Variants in CDKAL1 observed in about 807,000 individuals in gnomAD.
The protein encoded by CDKAL1 is threonylcarbamoyladenosine tRNA methylthiotransferase.
Under a neutral mutation model 68.2 loss-of-function variants are expected in CDKAL1, and 32 were observed. That is an observed-to-expected ratio of 0.47 (90% CI 0.35 to 0.63). The LOEUF (loss-of-function observed/expected upper bound fraction) is 0.63. Among genes scored for constraint, CDKAL1 ranks in the 30% least tolerant of loss-of-function variants. The probability of loss-of-function intolerance (pLI) is 0.00; values close to 1 mark genes in which losing one functional copy is unlikely to be tolerated. For synonymous variants in CDKAL1, 234 were observed against 244.3 expected (o/e 0.96, Z 0.39); for missense variants, 606 against 696.7 (o/e 0.87, Z 1.47).
intron 5 of CDKAL1, among the ~76,000 whole-genome samples, chr6:20,654,431 G>A (rs551298815): frequency 1.3e-5 from 2 of 151,610 alleles, no homozygotes; most frequent in South Asian, 2.1e-4. Flanking sequence ...TTCTTTTGTG[G>A]TATCTTTTGA....
chr6:20,889,719 T>A (rs564776456), intron 9 of CDKAL1, among the ~76,000 whole-genome samples: 1 of 152,186 alleles, frequency 6.6e-6, no homozygotes, highest in Non-Finnish European at 1.5e-5. Context: ...TTGGTCTATA[T>A]CTCTGTTTTG....
chr6:21,071,984 A>C (rs894896164), intron 12 of CDKAL1, among the ~76,000 whole-genome samples: 2 of 152,184 alleles, frequency 1.3e-5, no homozygotes, highest in Non-Finnish European at 2.9e-5. Flanking sequence ...TACCAATGTT[A>C]CATCACTGAA....
At chr6:20,835,628 A>C (rs1158882302) in intron 8 of CDKAL1, among the ~76,000 whole-genome samples, 1 of 150,476 alleles carries the variant, frequency 6.6e-6, no homozygotes, top group African/African-American at 2.4e-5. Context: ...GTTTGCTGCA[A>C]CCTCTGCCTC....
At chr6:20,637,281 G>A (rs1303184538) in intron 4 of CDKAL1, among the ~76,000 whole-genome samples, 1 of 151,950 alleles carries the variant, frequency 6.6e-6, no homozygotes, top group Non-Finnish European at 1.5e-5. Flanking sequence ...AAATGAGGAA[G>A]GCCGGGCACA....
intron 7 of CDKAL1, among the ~76,000 whole-genome samples, chr6:20,771,567 T>C (rs766326097): frequency 6.6e-5 from 10 of 152,178 alleles, no homozygotes; most frequent in Admixed American, 2.0e-4. Flanking sequence ...CATTTGTGAT[T>C]GAAAGTGAGT....
In CDKAL1 at chr6:20,723,882, A is replaced by G. The variant is rs544366846; in HGVS notation, c.372-15637A>G. Among the ~76,000 whole-genome samples the G allele has an allele frequency of 3.9e-5, 6 of 152,270 alleles. No individual in the cohort carries two copies. In the South Asian group the frequency reaches 1.0e-3, roughly 26 times the overall value. ...TATGTAAATTTGCTAAGGAGACACC[A>G]TTCCAGATTCTTATCTTTCCCAGGA... On this transcript the variant is annotated intron_variant, in intron 5 of 15. Transcript: ENST00000274695.
chr6:20,756,567 G>T (rs1774180540), intron 6 of CDKAL1: 1 of 152,160 alleles, frequency 6.6e-6, no homozygotes, highest in Non-Finnish European at 1.5e-5. Flanking sequence ...GGGCCTAATG[G>T]TTCCATTGTT....
In CDKAL1 at chr6:21,081,179, TC is replaced by T. The variant is rs1772378904; in HGVS notation, c.1236+15952del. Among the ~76,000 whole-genome samples, 6 of 152,370 alleles carry T rather than the reference TC, an allele frequency of 3.9e-5. No individual in the cohort carries two copies. In the South Asian group the frequency reaches 1.2e-3, roughly 32 times the overall value. On this transcript the variant is annotated intron_variant, in intron 12 of 15. Transcript: ENST00000274695. ...TTTTGGCATTCATTTTTATCCTGCT[TC>T]TTTTACGAATTTGTAATTACCAAAA...
At chr6:21,106,976 T>C (rs1467153100) in intron 12 of CDKAL1, among the ~76,000 whole-genome samples, 6 of 147,208 alleles carry the variant, frequency 4.1e-5, no homozygotes, top group Non-Finnish European at 7.4e-5. Flanking sequence ...GAGTCTCGCT[T>C]TTTCGCCCAG....
intron 13 of CDKAL1, among the ~76,000 whole-genome samples, chr6:21,122,810 T>G (rs1012153971): frequency 6.7e-6 from 1 of 149,156 alleles, no homozygotes; most frequent in Non-Finnish European, 1.5e-5. Flanking sequence ...TAGGTTTTTT[T>G]TTTTTTTTTT....
intron 9 of CDKAL1, among the ~76,000 whole-genome samples, chr6:20,948,815 T>TGAGGC (rs1731215548): frequency 6.6e-6 from 1 of 152,198 alleles, no homozygotes; most frequent in Non-Finnish European, 1.5e-5. Context: ...TCTGCTTCAT[T>TGAGGC]GAGGCTTATT....
chr6:20,612,990 T>TACACACAGAC (rs1766689520), intron 4 of CDKAL1, among the ~76,000 whole-genome samples: 1 of 129,992 alleles, frequency 7.7e-6, no homozygotes, highest in Non-Finnish European at 1.6e-5. Flanking sequence ...TTGCAATTTC[T>TACACACAGAC]ACACACACAC....
intron 15 of CDKAL1, among the ~76,000 whole-genome samples, chr6:21,225,498 C>T (rs888324081): frequency 2.6e-5 from 4 of 152,130 alleles, no homozygotes; most frequent in Admixed American, 6.5e-5. Context: ...ACTCCTGTGA[C>T]GTCACCGTCA....
intron 4 of CDKAL1, among the ~76,000 whole-genome samples, chr6:20,644,495 G>A (rs1399897298): frequency 3.9e-5 from 6 of 152,022 alleles, no homozygotes; most frequent in African/African-American, 1.4e-4. Flanking sequence ...GGCTAACATG[G>A]TGAAACCCTG....
chr6:20,789,755 G>C (rs569713396), intron 8 of CDKAL1, among the ~76,000 whole-genome samples: 1 of 152,318 alleles, frequency 6.6e-6, no homozygotes, highest in African/African-American at 2.4e-5. Context: ...TTAGTTTACA[G>C]TTAATTGGGT....
At chr6:20,614,411 A>G (rs998109216) in intron 4 of CDKAL1, among the ~76,000 whole-genome samples, 2 of 152,168 alleles carry the variant, frequency 1.3e-5, no homozygotes, top group African/African-American at 4.8e-5. Flanking sequence ...TGATGGTTCC[A>G]GCTCTCCTTC....
chr6:20,992,195 T>TA lies in CDKAL1; in HGVS notation c.910-8032_910-8031insA, dbSNP rs1561943348. Among the ~76,000 whole-genome samples, 642 of 139,560 alleles carry TA rather than the reference T, an allele frequency of 4.6e-3. 39 individuals are homozygous for TA. Among genetic ancestry groups the TA allele is most frequent in the African/African-American group, 0.017 (587 of 33,954 alleles). 91.6% of individuals were successfully genotyped at this position (139,560 alleles called of 152,430 possible). ...GGCACACGTGACCATAGTCAGCTTT[T>TA]TTATATATATATATATGTATTTTGT... is the stretch of plus-strand genomic sequence containing the variant. On this transcript the variant is annotated intron_variant, in intron 10 of 15. Coordinates refer to ENST00000274695, the MANE Select transcript of CDKAL1 (RefSeq NM_017774.3).
At position 20,925,206 on chromosome 6, in the gene CDKAL1, C is replaced by T. The variant is rs75375658; in HGVS notation, c.743-30213C>T. 7.3e-3 allele frequency among the ~76,000 whole-genome samples: 1,105 copies of T among 152,292 alleles called. 10 individuals carry two copies. The highest frequency in any genetic ancestry group is 0.011 in the Non-Finnish European group (715 of 68,020). On this transcript the variant is annotated intron_variant, in intron 9 of 15. Transcript: ENST00000274695. ...AATTACGACTCCCTGAAGTCTCAGA[C>T]GATCGTTAGCATTTTGTAGCAATAA...
chr6:21,129,682 CAAAAA>C (rs34802727), intron 13 of CDKAL1, among the ~76,000 whole-genome samples: 27 of 69,002 alleles, frequency 3.9e-4, no homozygotes, highest in East Asian at 1.8e-3. Context: ...TGCAGTTTAC[CAAAAA>C]AAAAAAAAAA....
Sources: gnomAD v4.1 joint callset for allele counts (sites outside exome capture counted in the v4.1 genomes callset) on GRCh38, gnomAD v4.1.1 for gene constraint, MANE v1.5 for transcripts, NCBI Gene and HGNC (gene_info 2026-07-23, HGNC 2026-07-21) for gene names.